CNTNAP2: variants seen among roughly 807,000 people sequenced by gnomAD.
The protein encoded by CNTNAP2 is contactin-associated protein-like 2.
CNTNAP2 carries 98 observed loss-of-function variants against 155.2 expected under a neutral mutation model. The observed-to-expected ratio is 0.63, with a 90% CI of 0.54 to 0.75. The LOEUF (loss-of-function observed/expected upper bound fraction) is 0.75. Among genes scored for constraint, CNTNAP2 ranks in the 30% least tolerant of loss-of-function variants. CNTNAP2 has a pLI of 0.00. For missense variants in CNTNAP2, 1,727 were observed against 1,688.1 expected (o/e 1.02, Z -0.40); for synonymous variants, 651 against 631.2 (o/e 1.03, Z -0.47).
intron 12 of CNTNAP2, among the ~76,000 whole-genome samples, chr7:147,626,805 A>C (rs2116902174): frequency 6.6e-6 from 1 of 152,310 alleles, no homozygotes; most frequent in African/African-American, 2.4e-5. Flanking sequence ...ATACTGGCTA[A>C]CCAGAGTTCC....
chr7:148,174,412 C>T (rs879356843), intron 18 of CNTNAP2, among the ~76,000 whole-genome samples: 68 of 113,546 alleles, frequency 6.0e-4, no homozygotes, highest in Non-Finnish European at 1.1e-3. Flanking sequence ...ACAGCAGTTC[C>T]TGTGACCGCC....
At chr7:147,149,808 T>C (rs1298186416) in intron 8 of CNTNAP2, among the ~76,000 whole-genome samples, 1 of 152,188 alleles carries the variant, frequency 6.6e-6, no homozygotes, top group East Asian at 1.9e-4. Flanking sequence ...GTGGAAAGCA[T>C]TGCATAATCC....
chr7:147,051,915 T>C (rs954284238), intron 4 of CNTNAP2, among the ~76,000 whole-genome samples: 13 of 152,280 alleles, frequency 8.5e-5, no homozygotes, highest in Non-Finnish European at 1.9e-4. Flanking sequence ...TGAAATTTAA[T>C]TTCTGCCCAC....
chr7:147,951,130 G>T (rs1186828723), intron 14 of CNTNAP2, among the ~76,000 whole-genome samples: 1 of 152,216 alleles, frequency 6.6e-6, no homozygotes, highest in Non-Finnish European at 1.5e-5. Context: ...CCCAGCCGAG[G>T]ACTCTCAGAG....
intron 14 of CNTNAP2, among the ~76,000 whole-genome samples, chr7:147,909,489 T>C (rs2116761486): frequency 6.6e-6 from 1 of 152,334 alleles, no homozygotes; most frequent in South Asian, 2.1e-4. Flanking sequence ...TGCAATGGCC[T>C]GTGAGTACGA....
At position 146,666,424 on chromosome 7, in the gene CNTNAP2, T is replaced by C. The variant is rs144880477; in HGVS notation, c.98-107847T>C. Among the ~76,000 whole-genome samples the C allele has an allele frequency of 1.1e-4, 16 of 152,324 alleles. No homozygotes were observed. The East Asian group carries it at 3.1e-3, about 29-fold the overall frequency. On this transcript the variant is annotated intron_variant, in intron 1 of 23. Coordinates refer to ENST00000361727, the MANE Select transcript of CNTNAP2 (RefSeq NM_014141.6). ...TTATTGGACGCCTAAGTTGATTCCG[T>C]ATCTTGGCCATTGTGAATAGTGCTG...
chr7:147,983,723 A>G (rs186362111), intron 15 of CNTNAP2, among the ~76,000 whole-genome samples: 35 of 152,332 alleles, frequency 2.3e-4, no homozygotes, highest in Middle Eastern at 3.4e-3. Flanking sequence ...TGGTTAAAAG[A>G]GTTAAGTTAT....
At chr7:147,050,869 C>G (rs868687039) in intron 4 of CNTNAP2, among the ~76,000 whole-genome samples, 4 of 152,084 alleles carry the variant, frequency 2.6e-5, no homozygotes, top group Non-Finnish European at 5.9e-5. Context: ...AGTTCCATGT[C>G]CCTCGCCCAT....
At chr7:146,788,868 A>G (rs1262370448) in intron 2 of CNTNAP2, among the ~76,000 whole-genome samples, 2 of 152,154 alleles carry the variant, frequency 1.3e-5, no homozygotes, top group African/African-American at 4.8e-5. Context: ...GTCTATCTCT[A>G]TCTCAGAACT....
chr7:147,073,054 G>A (rs1305938710), intron 4 of CNTNAP2, among the ~76,000 whole-genome samples: 7 of 149,578 alleles, frequency 4.7e-5, no homozygotes, highest in East Asian at 3.9e-4. Context: ...GGGTTTCACC[G>A]TGTTAGCCAG....
At chr7:146,844,059 A>G (rs1019413662) in intron 3 of CNTNAP2, among the ~76,000 whole-genome samples, 2 of 152,058 alleles carry the variant, frequency 1.3e-5, no homozygotes, top group African/African-American at 4.8e-5. Context: ...AACATAAGTA[A>G]TTTTTTATAG....
chr7:146,800,858 G>T (rs1802863946), intron 2 of CNTNAP2, among the ~76,000 whole-genome samples: 1 of 152,028 alleles, frequency 6.6e-6, no homozygotes, highest in African/African-American at 2.4e-5. Context: ...CTTACAGTGA[G>T]CAAAGAAGGT....
At chr7:147,107,242 C>A (rs1584847563) in intron 4 of CNTNAP2, among the ~76,000 whole-genome samples, 1 of 152,014 alleles carries the variant, frequency 6.6e-6, no homozygotes, top group African/African-American at 2.4e-5. Flanking sequence ...AATGCATTGA[C>A]CAATAGTGCC....
At chr7:147,620,206 G>A (rs764487621) in intron 12 of CNTNAP2, among the ~76,000 whole-genome samples, 2 of 152,176 alleles carry the variant, frequency 1.3e-5, no homozygotes, top group Non-Finnish European at 2.9e-5. Flanking sequence ...TGCCAAGAAG[G>A]ATGGGGACAA....
chr7:148,072,764 G>A (rs1803405698), intron 15 of CNTNAP2, among the ~76,000 whole-genome samples: 1 of 152,210 alleles, frequency 6.6e-6, no homozygotes, highest in African/African-American at 2.4e-5. Flanking sequence ...CTGGAGTGCA[G>A]TAGTGCGATC....
At chr7:148,022,954 CCGT>C (rs1485059015) in intron 15 of CNTNAP2, among the ~76,000 whole-genome samples, 3 of 152,146 alleles carry the variant, frequency 2.0e-5, no homozygotes, top group African/African-American at 7.2e-5. Context: ...CTGTACAGCA[CCGT>C]TAAATATCTC....
At chr7:146,459,321 A>T (rs747049802) in intron 1 of CNTNAP2, among the ~76,000 whole-genome samples, 40 of 152,180 alleles carry the variant, frequency 2.6e-4, no homozygotes, top group Admixed American at 3.9e-4. Context: ...ACGAATTTCC[A>T]CATGCTGTTA....
chr7:147,220,058 G>T (rs1224908195), intron 8 of CNTNAP2, among the ~76,000 whole-genome samples: 2 of 151,542 alleles, frequency 1.3e-5, no homozygotes, highest in Non-Finnish European at 2.9e-5. Flanking sequence ...CAAAGTGCTG[G>T]GATTACAGGC....
At chr7:146,694,770 G>T (rs1383189174) in intron 1 of CNTNAP2, among the ~76,000 whole-genome samples, 1 of 152,070 alleles carries the variant, frequency 6.6e-6, no homozygotes, top group African/African-American at 2.4e-5. Flanking sequence ...ATTTAATGTA[G>T]TTAACATTTT....
Sources: gnomAD v4.1 joint callset for allele counts (sites outside exome capture counted in the v4.1 genomes callset) on GRCh38, gnomAD v4.1.1 for gene constraint, MANE v1.5 for transcripts, NCBI Gene and HGNC (gene_info 2026-07-23, HGNC 2026-07-21) for gene names.